The following STK32B variants were observed in gnomAD, a reference collection of about 807,000 sequenced individuals.
The protein encoded by STK32B is serine/threonine kinase 32B, also known as serine/threonine-protein kinase 32B.
In STK32B, 43 loss-of-function variants were observed where a neutral mutation model predicts 52.6. The observed-to-expected ratio is 0.82, with a 90% confidence interval of 0.64 to 1.05. The LOEUF (loss-of-function observed/expected upper bound fraction) is 1.05. Among genes scored for constraint, STK32B ranks in the 50% least tolerant of loss-of-function variants. The pLI, the probability that STK32B is intolerant of heterozygous loss-of-function variation, is 0.00. For synonymous variants in STK32B, 238 were observed against 204.3 expected (o/e 1.17, Z -1.41); for missense variants, 621 against 534.6 (o/e 1.16, Z -1.59).
intron 3 of STK32B, among the ~76,000 whole-genome samples, chr4:5,237,255 C>T (rs1373474207): frequency 6.6e-6 from 1 of 152,176 alleles, no homozygotes; most frequent in Non-Finnish European, 1.5e-5. Flanking sequence ...TTGGCCAGCT[C>T]AGCTCACGCC....
chr4:5,050,455 C>T (rs1005633114), upstream of STK32B, among the ~76,000 whole-genome samples: 1 of 152,074 alleles, frequency 6.6e-6, no homozygotes, highest in Admixed American at 6.6e-5. Context: ...TGAGTCTCCC[C>T]GGCTTCCCTC....
chr4:5,476,042 C>T (rs574265424), intron 11 of STK32B, among the ~76,000 whole-genome samples: 1 of 151,960 alleles, frequency 6.6e-6, no homozygotes, highest in African/African-American at 2.4e-5. Context: ...TTACAGGCAC[C>T]CGCCACCACA....
chr4:5,402,061 T>C (rs1737328039), intron 5 of STK32B, among the ~76,000 whole-genome samples: 1 of 152,260 alleles, frequency 6.6e-6, no homozygotes, highest in Non-Finnish European at 1.5e-5. Flanking sequence ...TTCATCTGCA[T>C]GGTCTGCTCA....
intron 5 of STK32B, among the ~76,000 whole-genome samples, chr4:5,402,309 G>A (rs1157003172): frequency 6.6e-6 from 1 of 152,234 alleles, no homozygotes; most frequent in African/African-American, 2.4e-5. Flanking sequence ...TGGAATGGAT[G>A]GAGCCACAGG....
chr4:5,464,445 C>T (rs529019726), intron 9 of STK32B, among the ~76,000 whole-genome samples: 13 of 152,310 alleles, frequency 8.5e-5, no homozygotes, highest in Admixed American at 2.6e-4. Context: ...AACACTCTGT[C>T]GCAGTGCGCC....
At chr4:5,042,305 A>G in the STK32B span, among the ~76,000 whole-genome samples, 39 of 152,354 alleles carry the variant, frequency 2.6e-4, no homozygotes, top group African/African-American at 9.1e-4. Flanking sequence ...AAAGCCAAGC[A>G]GACTCAGCAC....
At chr4:5,383,521 A>G (rs538227697) in intron 4 of STK32B, among the ~76,000 whole-genome samples, 1 of 152,314 alleles carries the variant, frequency 6.6e-6, no homozygotes, top group Non-Finnish European at 1.5e-5. Flanking sequence ...AGCTCAGATG[A>G]TCTTTCTTGC....
chr4:5,185,931 TG>T, intron 3 of STK32B, among the ~76,000 whole-genome samples: 1 of 152,318 alleles, frequency 6.6e-6, no homozygotes, highest in South Asian at 2.1e-4. Context: ...AACTGGTTTG[TG>T]GGTGATCTGT....
rs1560259543 is a variant in STK32B, at chr4:5,249,505, C to CCCTCCCTCCCTCCCTTCCTT, written c.260+81062_260+81063insCCCTCCCTTCCTTCCTCCCT. Among the ~76,000 whole-genome samples the CCCTCCCTCCCTCCCTTCCTT allele has an allele frequency of 3.2e-4, 37 of 116,012 alleles. 1 individual carries two copies. The highest frequency in any genetic ancestry group is 7.4e-4 in the African/African-American group (19 of 25,702). The allele number at this position is 116,012 out of a possible 152,430, so 76.1% of individuals were successfully genotyped here. A position where few individuals can be genotyped will look rare whatever the true frequency, so the allele number is the denominator to read the frequency against. On this transcript the variant is annotated intron_variant, in intron 3 of 11. Transcript: ENST00000282908. ...TTCCTTCCTTCCTTCCTTCCTTCCT[C>CCCTCCCTCCCTCCCTTCCTT]CCTCCCTTCCTTTAAACTTTTCTTC...
intron 1 of STK32B, among the ~76,000 whole-genome samples, chr4:5,064,334 C>T (rs1477237423): frequency 7.2e-6 from 1 of 138,852 alleles, no homozygotes; most frequent in Non-Finnish European, 1.5e-5. Flanking sequence ...TCTGTACTTA[C>T]ATAAACATAA....
intron 3 of STK32B, among the ~76,000 whole-genome samples, chr4:5,279,009 G>A (rs1728021857): frequency 1.3e-5 from 2 of 152,162 alleles, no homozygotes; most frequent in Non-Finnish European, 1.5e-5. Flanking sequence ...AATTTGACAT[G>A]AGATTTGGGT....
At chr4:5,224,643 G>GA (rs1275153529) in intron 3 of STK32B, among the ~76,000 whole-genome samples, 1 of 152,126 alleles carries the variant, frequency 6.6e-6, no homozygotes, top group African/African-American at 2.4e-5. Flanking sequence ...ACTGTCAGAC[G>GA]AATCTCAGGC....
upstream of STK32B, among the ~76,000 whole-genome samples, chr4:5,049,834 G>A (rs553024260): frequency 6.6e-5 from 10 of 152,076 alleles, no homozygotes; most frequent in East Asian, 1.9e-3. Context: ...TGATCCACCC[G>A]CCTCAGCCTC....
At chr4:5,126,451 A>C (rs1477900527) in intron 1 of STK32B, among the ~76,000 whole-genome samples, 1 of 152,222 alleles carries the variant, frequency 6.6e-6, no homozygotes, top group Non-Finnish European at 1.5e-5. Flanking sequence ...GCTGGTTGTC[A>C]GATAGTCTAG....
At position 5,337,024 on chromosome 4, in the gene STK32B, G is replaced by A. The variant is rs115767710; in HGVS notation, c.434+5631G>A. ...GAGACAGAGTTTTGCTGTCGTTCAG[G>A]CTAGAGTGCACTGGTACGATCATGG... On this transcript the variant is annotated intron_variant, in intron 4 of 11. Transcript: ENST00000282908. Among the ~76,000 whole-genome samples the A allele has an allele frequency of 2.6e-3, 403 of 152,172 alleles. 1 individual carries two copies. Among genetic ancestry groups the A allele is most frequent in the African/African-American group, 9.3e-3 (385 of 41,504 alleles).
chr4:5,146,884 T>G (rs1716955485), intron 2 of STK32B, among the ~76,000 whole-genome samples: 1 of 152,200 alleles, frequency 6.6e-6, no homozygotes, highest in South Asian at 2.1e-4. Flanking sequence ...TTTTTCAAGA[T>G]TGTTTTGGAT....
chr4:5,237,805 ATG>A (rs1018704853), intron 3 of STK32B, among the ~76,000 whole-genome samples: 1 of 152,178 alleles, frequency 6.6e-6, no homozygotes, highest in African/African-American at 2.4e-5. Flanking sequence ...GCCAGGTGTC[ATG>A]TGTGAGAACG....
chr4:5,359,928 T>G (rs1289793179), intron 4 of STK32B, among the ~76,000 whole-genome samples: 1 of 152,190 alleles, frequency 6.6e-6, no homozygotes, highest in African/African-American at 2.4e-5. Context: ...ATTGCCAGTT[T>G]TCAGCAGTGA....
intron 4 of STK32B, among the ~76,000 whole-genome samples, chr4:5,368,722 C>T (rs1407216422): frequency 2.0e-5 from 3 of 152,220 alleles, no homozygotes; most frequent in Non-Finnish European, 4.4e-5. Flanking sequence ...AACCCTCCAT[C>T]TTCCACCTTC....
Sources: allele counts gnomAD v4.1 joint callset (sites outside exome capture counted in the v4.1 genomes callset), GRCh38; gene constraint gnomAD v4.1.1; transcripts MANE v1.5; gene names NCBI Gene and HGNC (gene_info 2026-07-23, HGNC 2026-07-21).